The following KLHL28 variants were observed in gnomAD, a reference collection of about 807,000 sequenced individuals.
KLHL28 encodes the protein kelch-like protein 28.
KLHL28 carries 22 observed loss-of-function variants against 48.3 expected under a neutral mutation model. That is an observed-to-expected ratio of 0.46 (90% CI 0.33 to 0.65). The LOEUF (loss-of-function observed/expected upper bound fraction) is 0.65. Ranked by LOEUF, KLHL28 falls within the 30% of genes least tolerant of loss-of-function variation. The pLI, the probability that KLHL28 is intolerant of heterozygous loss-of-function variation, is 0.03. For synonymous variants in KLHL28, 243 were observed against 242.4 expected, an observed-to-expected ratio of 1.00 and a Z score of -0.02; for missense variants, 527 against 704.3, an observed-to-expected ratio of 0.75 and a Z score of 2.85.
intron 1 of KLHL28, among the ~76,000 whole-genome samples, chr14:44,949,276 G>A (rs1184656497): frequency 2.0e-5 from 3 of 152,088 alleles, no homozygotes; most frequent in African/African-American, 7.2e-5. Flanking sequence ...ATAAGAAGAT[G>A]TAGAGATCTT....
chr14:44,945,811 G>A lies in KLHL28; in HGVS notation c.118C>T (p.Arg40Ter), dbSNP rs201893106. Reference protein sequence around the residue: ...QHHELCDIILRVGDVKIHAHK... With the variant: ...QHHELCDIIL Reference sequence around the variant, plus strand: ...GCATGAATTTTAACATCACCTACTCGAAGAATGATGTCACAGAGTTCGTGA... The same window carrying A: ...GCATGAATTTTAACATCACCTACTCAAAGAATGATGTCACAGAGTTCGTGA... The change falls in exon 2 of 5, where the codon CGA becomes TGA. Residue 40 changes from arginine to a stop codon, truncating the protein, a stop_gained. Coordinates refer to ENST00000396128, the MANE Select transcript of KLHL28 (RefSeq NM_017658.5). LOFTEE classifies it high-confidence loss of function. 1.9e-6 allele frequency: 3 copies of A among 1,614,052 alleles called. No individual in the cohort carries two copies. The highest frequency in any genetic ancestry group is 4.5e-5 in the East Asian group (2 of 44,878).
chr14:44,935,038 T>C (rs1883750822), intron 2 of KLHL28, among the ~76,000 whole-genome samples: 2 of 152,220 alleles, frequency 1.3e-5, no homozygotes, highest in Non-Finnish European at 2.9e-5. Context: ...GAGTGTTTAC[T>C]ACAGTATTAT....
intron 1 of KLHL28, among the ~76,000 whole-genome samples, chr14:44,949,971 T>C (rs1884506103): frequency 6.6e-6 from 1 of 152,104 alleles, no homozygotes; most frequent in African/African-American, 2.4e-5. Context: ...GACAGGGATC[T>C]AAACAGACTG....
At chr14:44,933,204 G>A (rs1047595756) in intron 3 of KLHL28, among the ~76,000 whole-genome samples, 3 of 151,978 alleles carry the variant, frequency 2.0e-5, no homozygotes, top group Admixed American at 6.6e-5. Context: ...TGTAGAACCC[G>A]TGGATATGGA....
In KLHL28 at chr14:44,927,709, C is replaced by G. The variant is rs1241802872; in HGVS notation, c.*1319G>C. 1 of 152,588 alleles carries G rather than the reference C, an allele frequency of 6.6e-6. No homozygotes were observed. The highest frequency in any genetic ancestry group is 2.1e-4 in the South Asian group (1 of 4,832). 9.5% of individuals were successfully genotyped at this position (152,588 alleles called of 1,614,324 possible). ...AGTAGAACTCAACTTAGAACTATTA[C>G]TCAAGTAAACATCGAGTTCCAGTTT... On this transcript the variant is annotated 3_prime_UTR_variant, in exon 5 of 5. Coordinates refer to ENST00000396128, the MANE Select transcript of KLHL28 (RefSeq NM_017658.5).
chr14:44,945,885 T>G lies in KLHL28; in HGVS notation c.44A>C (p.His15Pro). 1 of 1,613,954 alleles carries G rather than the reference T, an allele frequency of 6.2e-7. No homozygotes were observed. Among genetic ancestry groups the G allele is most frequent in the South Asian group, 1.1e-5 (1 of 91,082 alleles). The part of the protein sequence containing the change: ...SPTYMLANLT[H>P]LHSEQLLQGL... ...CTGCAGAAGTTGTTCAGAATGCAAG[T>G]GGGTTAAGTTAGCAAGCATGTAGGT... is the stretch of plus-strand genomic sequence containing the variant. The change falls in exon 2 of 5, where the codon CAC becomes CCC. Residue 15 changes from histidine (H) to proline (P), a missense_variant. Transcript: ENST00000396128.
In KLHL28 at chr14:44,926,856, G is replaced by C. The variant is rs180880551; in HGVS notation, c.*2172C>G. 20 of 152,366 alleles carry C rather than the reference G, an allele frequency of 1.3e-4. No homozygotes were observed. The East Asian group carries it at 3.5e-3, about 26-fold the overall frequency. The allele number at this position is 152,366 out of a possible 1,614,324, so 9.4% of individuals were successfully genotyped here. A position where few individuals can be genotyped will look rare whatever the true frequency, so the allele number is the denominator to read the frequency against. ...CAAATTCCCTTATCTTTTGGGAATA[G>C]GGGATTAAAAATAGTATAATAGGAT... On this transcript the variant is annotated 3_prime_UTR_variant, in exon 5 of 5. Transcript: ENST00000396128.
intron 4 of KLHL28, among the ~76,000 whole-genome samples, chr14:44,930,880 T>C (rs572882092): frequency 6.6e-6 from 1 of 152,358 alleles, no homozygotes; most frequent in East Asian, 1.9e-4. Context: ...GTTTTGTTTC[T>C]ACGAACTCTG....
intron 2 of KLHL28, among the ~76,000 whole-genome samples, chr14:44,934,874 A>G (rs1464644465): frequency 6.6e-6 from 1 of 152,192 alleles, no homozygotes; most frequent in East Asian, 1.9e-4. Flanking sequence ...TACTCTTCTG[A>G]ATGTCTATTA....
intron 4 of KLHL28, 70 bp downstream of exon 4, chr14:44,931,263 C>A: frequency 3.4e-6 from 3 of 871,606 alleles, no homozygotes; most frequent in Non-Finnish European, 5.3e-6. Flanking sequence ...TTCCAAGGAA[C>A]TATTATTGCA....
chr14:44,936,953 A>C (rs1883851493), intron 2 of KLHL28, among the ~76,000 whole-genome samples: 1 of 152,192 alleles, frequency 6.6e-6, no homozygotes, highest in Non-Finnish European at 1.5e-5. Flanking sequence ...GAAAGAAATA[A>C]GCTGGCAAGA....
intron 1 of KLHL28, among the ~76,000 whole-genome samples, chr14:44,946,887 C>T (rs1213372431): frequency 1.3e-5 from 2 of 152,178 alleles, no homozygotes; most frequent in East Asian, 1.9e-4. Flanking sequence ...AGATCATGCC[C>T]ACTCAATCTA....
intron 2 of KLHL28, among the ~76,000 whole-genome samples, chr14:44,938,857 T>A (rs1316431285): frequency 6.6e-6 from 1 of 152,180 alleles, no homozygotes; most frequent in East Asian, 1.9e-4. Context: ...AGGCTGACGT[T>A]GCACACTACT....
Position 44,945,538 on chromosome 14 carries a change from G to C in KLHL28, c.391C>G (p.Gln131Glu), listed in dbSNP as rs544822316. Residue 131 changes from glutamine (Q) to glutamate (E), a missense_variant, in exon 2 of 5, where the codon CAA becomes GAA. By Grantham distance (29) the Gln-to-Glu change is conservative. Transcript: ENST00000396128. Reference sequence around the variant, plus strand: ...CCAATACAATTACCAGGATCAAGTTGGCTTTCAAGAAATGCACAACATTCT... The same window carrying C: ...CCAATACAATTACCAGGATCAAGTTCGCTTTCAAGAAATGCACAACATTCT... ...LKECCAFLES[Q>E]LDPGNCIGIS... 1 of 1,614,178 alleles carries C rather than the reference G, an allele frequency of 6.2e-7. No homozygotes were observed. The highest frequency in any genetic ancestry group is 2.2e-5 in the East Asian group (1 of 44,884).
At chr14:44,933,370 G>C (rs1390205379) in intron 3 of KLHL28, among the ~76,000 whole-genome samples, 1 of 149,508 alleles carries the variant, frequency 6.7e-6, no homozygotes, top group East Asian at 2.0e-4. Context: ...GAGTGTAGTA[G>C]TGCATTCAAG....
rs1245778195 is a variant in KLHL28 at position 44,925,736 on chromosome 14, T to C, written c.*3292A>G. Reference sequence around the variant, plus strand: ...CCATTTTCCTATCACTTGATACCACTTCCTATAATTTAATATTCACTCACA... The same window carrying C: ...CCATTTTCCTATCACTTGATACCACCTCCTATAATTTAATATTCACTCACA... On this transcript the variant is annotated 3_prime_UTR_variant, in exon 5 of 5. Coordinates refer to ENST00000396128, the MANE Select transcript of KLHL28 (RefSeq NM_017658.5). 1 of 152,154 alleles carries C rather than the reference T, an allele frequency of 6.6e-6. No individual in the cohort carries two copies. The highest frequency in any genetic ancestry group is 3.2e-3 in the Middle Eastern group (1 of 316). 9.4% of individuals were successfully genotyped at this position (152,154 alleles called of 1,614,324 possible).
rs1247926852 is a variant in KLHL28, at chr14:44,941,628, CAAAAAAAA to C, written c.899+3394_899+3401del. Among the ~76,000 whole-genome samples the C allele has an allele frequency of 8.6e-5, 7 of 81,102 alleles. No homozygotes were observed. The East Asian group carries it at 1.5e-3, about 17-fold the overall frequency. The allele number at this position is 81,102 out of a possible 152,430, so 53.2% of individuals were successfully genotyped here. Reference sequence around the variant, plus strand: ...GGGCAACAACAGCGAAACTCTGTCTCAAAAAAAAAAAAAAAAAGAAAAAGAAAAAGAAA... The same window carrying C: ...GGGCAACAACAGCGAAACTCTGTCTCAAAAAAAAAGAAAAAGAAAAAGAAA... On this transcript the variant is annotated intron_variant, in intron 2 of 4. Transcript: ENST00000396128.
Position 44,929,093 on chromosome 14 carries a change from C to G in KLHL28, c.1651G>C (p.Asp551His), listed in dbSNP as rs776723464. ...ATGCCAGCTGAATCCAGCCACGTAT[C>G]TGAGATAGGATCATATTTCTGCACT... is the stretch of plus-strand genomic sequence containing the variant. ...NTVQKYDPISDTWLDSAGMIY... is the reference protein window; with the variant it reads ...NTVQKYDPISHTWLDSAGMIY... The change falls in exon 5 of 5, where the codon GAT becomes CAT. Residue 551 changes from aspartate to histidine, a missense_variant. Coordinates refer to ENST00000396128, the MANE Select transcript of KLHL28 (RefSeq NM_017658.5). 93 of 1,613,820 alleles carry G rather than the reference C, an allele frequency of 5.8e-5. No homozygotes were observed. The highest frequency in any genetic ancestry group is 7.7e-5 in the Non-Finnish European group (91 of 1,179,964).
In KLHL28 at chr14:44,934,264, A is replaced by C. The variant is rs765527097; in HGVS notation, c.1194T>G (p.Ser398=). 6 of 1,614,036 alleles carry C rather than the reference A, an allele frequency of 3.7e-6. No homozygotes were observed. In the African/African-American group the frequency reaches 8.0e-5, roughly 22 times the overall value. ...LYALGGYDGQ[S]YLQSVEKYIP... The stretch of plus-strand genomic sequence containing the variant: ...TGTACTTCTCTACAGATTGTAAATA[A>C]GATTGTCCATCATAACCACCTAAGG... The change falls in exon 3 of 5, where the codon TCT becomes TCG. Residue 398 remains serine, a synonymous_variant. Coordinates refer to ENST00000396128, the MANE Select transcript of KLHL28 (RefSeq NM_017658.5).
Sources: allele counts gnomAD v4.1 joint callset (sites outside exome capture counted in the v4.1 genomes callset), GRCh38; gene constraint gnomAD v4.1.1; transcripts MANE v1.5; gene names NCBI Gene and HGNC (gene_info 2026-07-23, HGNC 2026-07-21).